SLIT2: variants seen among roughly 807,000 people sequenced by gnomAD.
The protein encoded by SLIT2 is slit guidance ligand 2.
Under a neutral mutation model 185.7 loss-of-function variants are expected in SLIT2, and 41 were observed. The ratio of observed to expected loss-of-function variants is 0.22; its 90% CI spans 0.17 to 0.29. The LOEUF (loss-of-function observed/expected upper bound fraction) is 0.29, where lower values mean the gene tolerates loss of function less well. SLIT2 is among the 10% of genes least tolerant of loss of function. SLIT2 has a pLI of 1.00. For missense variants in SLIT2, 1,571 were observed against 1,909.0 expected (o/e 0.82, Z 3.30); for synonymous variants, 693 against 680.2 (o/e 1.02, Z -0.29).
At chr4:20,567,458 G>T in intron 27 of SLIT2, 60 bp from the exon 28 acceptor site, 1 of 1,610,036 alleles carries the variant, frequency 6.2e-7, no homozygotes, top group South Asian at 1.1e-5. Context: ...TTATTCTACT[G>T]TGCTTTCTGT....
Position 20,532,062 on chromosome 4 carries a change from A to G in SLIT2, c.1688+4A>G. On this transcript the variant is annotated splice_donor_region_variant and intron_variant, in intron 17 of 36. Transcript: ENST00000504154. ...AACTTCCTCAATTACGTAAAATGTAAGTCACTTGTTAGCTATTTTTTTTAT... is the reference window on the plus strand; with the variant it reads ...AACTTCCTCAATTACGTAAAATGTAGGTCACTTGTTAGCTATTTTTTTTAT... 6.6e-7 allele frequency: 1 copy of G among 1,524,182 alleles called. No individual in the cohort carries two copies. Among genetic ancestry groups the G allele is most frequent in the East Asian group, 2.3e-5 (1 of 42,600 alleles). The allele number at this position is 1,524,182 out of a possible 1,614,324, so 94.4% of individuals were successfully genotyped here. A position where few individuals can be genotyped will look rare whatever the true frequency, so the allele number is the denominator to read the frequency against.
chr4:20,607,798 C>G (rs957775292), intron 33 of SLIT2, among the ~76,000 whole-genome samples: 6 of 152,026 alleles, frequency 3.9e-5, no homozygotes, highest in African/African-American at 1.4e-4. Context: ...TGGGGGGCCT[C>G]ATTATTAAGA....
intron 4 of SLIT2, among the ~76,000 whole-genome samples, chr4:20,385,307 A>T (rs1283885860): frequency 6.6e-6 from 1 of 152,186 alleles, no homozygotes; most frequent in African/African-American, 2.4e-5. Context: ...CCTCTAACAG[A>T]TATTATAAAC....
intron 4 of SLIT2, among the ~76,000 whole-genome samples, chr4:20,429,083 T>G (rs548985980): frequency 6.6e-6 from 1 of 152,210 alleles, no homozygotes; most frequent in Non-Finnish European, 1.5e-5. Flanking sequence ...TTGACTTTCT[T>G]TTGAAGCTGC....
chr4:20,258,011 A>G (rs1439876538), intron 3 of SLIT2, 72 bp downstream of exon 3: 2 of 760,586 alleles, frequency 2.6e-6, no homozygotes, highest in Middle Eastern at 3.0e-4. Flanking sequence ...TTCAAGCATC[A>G]TGTCTTCAAT....
At chr4:20,375,070 G>C (rs749871511) in intron 4 of SLIT2, among the ~76,000 whole-genome samples, 8 of 151,986 alleles carry the variant, frequency 5.3e-5, no homozygotes, top group Non-Finnish European at 8.8e-5. Context: ...TTTACATGAC[G>C]TGTGTATGTG....
intron 4 of SLIT2, among the ~76,000 whole-genome samples, chr4:20,274,601 A>G (rs985064626): frequency 2.6e-5 from 4 of 152,174 alleles, no homozygotes; most frequent in African/African-American, 9.7e-5. Flanking sequence ...GGAATTACTA[A>G]TAGACTTGTT....
chr4:20,273,408 A>T (rs944404114), intron 4 of SLIT2, among the ~76,000 whole-genome samples: 2 of 152,050 alleles, frequency 1.3e-5, no homozygotes, highest in African/African-American at 4.8e-5. Flanking sequence ...CTTTTTTTTA[A>T]TGTCCCCAGG....
chr4:20,568,842 G>A (rs1417745194), intron 28 of SLIT2, 23 bp from the exon 29 acceptor site: 1 of 1,595,180 alleles, frequency 6.3e-7, no homozygotes. Context: ...GATGTTTTTT[G>A]CCTTTTCTCC....
chr4:20,265,303 G>T (rs923171754), intron 3 of SLIT2, among the ~76,000 whole-genome samples: 1 of 151,660 alleles, frequency 6.6e-6, no homozygotes, highest in African/African-American at 2.4e-5. Flanking sequence ...GATTGCACAG[G>T]CGGCTATCCT....
chr4:20,585,296 A>G (rs910128062), intron 29 of SLIT2, among the ~76,000 whole-genome samples: 1 of 152,200 alleles, frequency 6.6e-6, no homozygotes. Flanking sequence ...CACAACCAAC[A>G]TATATACGTA....
At chr4:20,523,633 G>T in intron 12 of SLIT2, 127 bp from the exon 13 acceptor site, 1 of 718,718 alleles carries the variant, frequency 1.4e-6, no homozygotes, top group Non-Finnish European at 2.3e-6. Context: ...AATTATTAAA[G>T]TTAAAATGTT....
intron 2 of SLIT2, 73 bp downstream of exon 2, chr4:20,256,816 T>C: frequency 2.9e-6 from 2 of 696,760 alleles, no homozygotes; most frequent in Non-Finnish European, 5.0e-6. Context: ...GCCTCAGTTT[T>C]TATGACTATT....
At chr4:20,510,625 CATG>C (rs2148825080) in intron 10 of SLIT2, 59 bp downstream of exon 10, 2 of 1,081,638 alleles carry the variant, frequency 1.8e-6, no homozygotes, top group East Asian at 4.7e-5. Flanking sequence ...GTCATGAGAC[CATG>C]CAAAGAAACT....
intron 3 of SLIT2, among the ~76,000 whole-genome samples, chr4:20,264,365 A>G (rs1712806178): frequency 6.6e-6 from 1 of 151,864 alleles, no homozygotes; most frequent in Admixed American, 6.6e-5. Flanking sequence ...GGCAGCATTT[A>G]TCAAACATTT....
intron 26 of SLIT2, among the ~76,000 whole-genome samples, chr4:20,559,470 T>A (rs1213723545): frequency 3.3e-5 from 5 of 151,970 alleles, no homozygotes; most frequent in African/African-American, 1.2e-4. Flanking sequence ...TGTCAAGCTA[T>A]TTTGAAGTTT....
chr4:20,320,816 T>C (rs1719015722), intron 4 of SLIT2, among the ~76,000 whole-genome samples: 1 of 152,166 alleles, frequency 6.6e-6, no homozygotes, highest in East Asian at 1.9e-4. Context: ...TCTCCAACTC[T>C]GTGCTAGAAA....
intron 30 of SLIT2, among the ~76,000 whole-genome samples, chr4:20,590,435 G>A (rs922372197): frequency 9.9e-5 from 15 of 152,076 alleles, no homozygotes; most frequent in South Asian, 2.1e-4. Context: ...AAGATGTTAC[G>A]GTCTGAAACA....
chr4:20,413,666 T>C (rs1444869814), intron 4 of SLIT2, among the ~76,000 whole-genome samples: 1 of 152,102 alleles, frequency 6.6e-6, no homozygotes, highest in Non-Finnish European at 1.5e-5. Context: ...CCTAATATAT[T>C]GATCATTTTC....
Sources: gnomAD v4.1 joint callset for allele counts (sites outside exome capture counted in the v4.1 genomes callset) on GRCh38, gnomAD v4.1.1 for gene constraint, MANE v1.5 for transcripts, NCBI Gene and HGNC (gene_info 2026-07-23, HGNC 2026-07-21) for gene names.